Variants in DMD observed in about 807,000 individuals in gnomAD.
DMD encodes the protein dystrophin, also known as mutant dystrophin.
A neutral mutation model predicts 330.1 loss-of-function variants in DMD; 63 were observed. The observed-to-expected ratio is 0.19, with a 90% CI of 0.16 to 0.24. The LOEUF is 0.24. Among genes scored for constraint, DMD ranks in the 10% least tolerant of loss-of-function variants. The pLI is 1.00. For missense variants in DMD, 3,344 were observed against 2,684.1 expected (o/e 1.25, Z -5.43); for synonymous variants, 1,223 against 959.8 (o/e 1.27, Z -5.07).
At chrX:31,410,921 GTTTTTTTTTTT>G (rs758238229) in intron 60 of DMD, among the ~76,000 whole-genome samples, 11 of 59,802 alleles carry the variant, frequency 1.8e-4, no homozygotes, top group Non-Finnish European at 2.9e-4. Context: ...CTGTGTGTGT[GTTTTTTTTTTT>G]TTTTTTTTTT....
At chrX:31,620,626 G>A (rs758076276) in intron 55 of DMD, among the ~76,000 whole-genome samples, 12 of 110,150 alleles carry the variant, frequency 1.1e-4, no homozygotes, top group Non-Finnish European at 1.9e-5. Flanking sequence ...TGTTGGTCAG[G>A]CTGGTCTCGA....
chrX:31,658,535 T>C (rs1359432569), intron 53 of DMD, among the ~76,000 whole-genome samples: 2 of 112,365 alleles, frequency 1.8e-5, no homozygotes, highest in East Asian at 5.6e-4. Context: ...CCCTCTTCAT[T>C]AACTTGTTGA....
intron 47 of DMD, among the ~76,000 whole-genome samples, chrX:31,906,684 A>C (rs897127867): frequency 9.0e-6 from 1 of 111,622 alleles, no homozygotes; most frequent in Non-Finnish European, 1.9e-5. Context: ...AAAACTGTAC[A>C]GTGAATTTTC....
chrX:32,036,316 G>A (rs2095946085), intron 44 of DMD, among the ~76,000 whole-genome samples: 1 of 111,539 alleles, frequency 9.0e-6, no homozygotes, highest in Admixed American at 9.6e-5. Flanking sequence ...CAGAGTCTAG[G>A]CAAGAGATAG....
rs751763957 is a variant in DMD, at chrX:32,752,735, C to T, written c.650-53442G>A. 2.8e-4 allele frequency among the ~76,000 whole-genome samples: 30 copies of T among 108,916 alleles called. 1 individual carries two copies. Among genetic ancestry groups the T allele is most frequent in the African/African-American group, 8.4e-4 (25 of 29,814 alleles). The allele number at this position is 108,916 out of a possible 115,157, so 94.6% of individuals were successfully genotyped here. On this transcript the variant is annotated intron_variant, in intron 7 of 78. Coordinates refer to ENST00000357033, the MANE Select transcript of DMD (RefSeq NM_004006.3). ...CTCATCTTGAATTCCCACATGTTGTCAGAGGATCCCTGTGGGAGGTAATTG... is the reference window on the plus strand; with the variant it reads ...CTCATCTTGAATTCCCACATGTTGTTAGAGGATCCCTGTGGGAGGTAATTG...
intron 7 of DMD, among the ~76,000 whole-genome samples, chrX:32,734,687 A>C (rs1387330884): frequency 9.1e-6 from 1 of 109,928 alleles, no homozygotes; most frequent in Admixed American, 9.7e-5. Flanking sequence ...CCATAGATGC[A>C]GAAAAGGCCT....
At chrX:32,185,165 A>G (rs901786207) in intron 44 of DMD, among the ~76,000 whole-genome samples, 2 of 111,417 alleles carry the variant, frequency 1.8e-5, no homozygotes. Context: ...GTGCCTGAAT[A>G]TAATTCTGAA....
At chrX:31,671,347 T>C (rs2081776942) in intron 53 of DMD, among the ~76,000 whole-genome samples, 2 of 112,869 alleles carry the variant, frequency 1.8e-5, no homozygotes, top group Non-Finnish European at 3.7e-5. Flanking sequence ...TGATATGGTA[T>C]AATACATTGA....
chrX:32,354,232 A>G (rs1230051004), intron 37 of DMD, among the ~76,000 whole-genome samples: 1 of 111,931 alleles, frequency 8.9e-6, no homozygotes, highest in Non-Finnish European at 1.9e-5. Context: ...TAAAACCTAA[A>G]TTGAAAATAA....
intron 27 of DMD, among the ~76,000 whole-genome samples, chrX:32,445,713 T>C (rs2098300697): frequency 9.0e-6 from 1 of 110,616 alleles, no homozygotes; most frequent in Admixed American, 9.7e-5. Flanking sequence ...AGTTGAAACA[T>C]TTCAGTCAAA....
At chrX:33,157,531 G>A (rs1044675652) in intron 1 of DMD, among the ~76,000 whole-genome samples, 28 of 112,398 alleles carry the variant, frequency 2.5e-4, no homozygotes, top group African/African-American at 8.4e-4. Context: ...CCCAGTGCAC[G>A]TGATAACACA....
intron 67 of DMD, among the ~76,000 whole-genome samples, chrX:31,195,371 GTA>G (rs964320770): frequency 2.7e-5 from 3 of 111,743 alleles, no homozygotes; most frequent in African/African-American, 9.8e-5. Context: ...AAATCCCTAA[GTA>G]TACTCAACAG....
intron 1 of DMD, among the ~76,000 whole-genome samples, chrX:33,306,070 A>C (rs2148943664): frequency 8.9e-6 from 1 of 112,025 alleles, no homozygotes; most frequent in Non-Finnish European, 1.9e-5. Context: ...CACAATGGAT[A>C]GGTATTTCTG....
intron 9 of DMD, among the ~76,000 whole-genome samples, chrX:32,661,241 C>T (rs1411186442): frequency 9.0e-6 from 1 of 111,263 alleles, no homozygotes; most frequent in Admixed American, 9.6e-5. Flanking sequence ...ATGCTGTCTT[C>T]ATCATCTAAA....
chrX:32,603,163 G>A (rs1482792509), intron 12 of DMD, among the ~76,000 whole-genome samples: 2 of 110,690 alleles, frequency 1.8e-5, no homozygotes, highest in East Asian at 5.7e-4. Context: ...ATCATATCAA[G>A]CATCTTCTTG....
intron 1 of DMD, among the ~76,000 whole-genome samples, chrX:33,196,854 G>T (rs1292713536): frequency 9.0e-6 from 1 of 111,020 alleles, no homozygotes; most frequent in Non-Finnish European, 1.9e-5. Context: ...GCTTGTCCAG[G>T]ATTACTTGCC....
At chrX:32,741,542 T>C (rs1044904813) in intron 7 of DMD, among the ~76,000 whole-genome samples, 1 of 111,731 alleles carries the variant, frequency 9.0e-6, no homozygotes, top group Non-Finnish European at 1.9e-5. Flanking sequence ...TCTGCTGGAT[T>C]GTACAAACAG....
chrX:32,664,655 C>G (rs1420922592), intron 9 of DMD, among the ~76,000 whole-genome samples: 1 of 111,930 alleles, frequency 8.9e-6, no homozygotes, highest in East Asian at 2.8e-4. Context: ...ACCTTACTGA[C>G]ACAGGAAAAA....
chrX:32,527,610 G>C (rs191474073), intron 17 of DMD, among the ~76,000 whole-genome samples: 31 of 109,878 alleles, frequency 2.8e-4, no homozygotes, highest in African/African-American at 8.6e-4. Flanking sequence ...TCGAGTAATA[G>C]AATACAAATT....
Sources: allele counts gnomAD v4.1 joint callset (sites outside exome capture counted in the v4.1 genomes callset), GRCh38; gene constraint gnomAD v4.1.1; transcripts MANE v1.5; gene names NCBI Gene and HGNC (gene_info 2026-07-23, HGNC 2026-07-21).